SNX6: variants seen among roughly 807,000 people sequenced by gnomAD.
SNX6 encodes sorting nexin 6.
A neutral mutation model predicts 63.0 loss-of-function variants in SNX6; 34 were observed. The observed-to-expected ratio is 0.54, with a 90% confidence interval of 0.41 to 0.72. SNX6 has a LOEUF of 0.72. Ranked by LOEUF, SNX6 falls within the 30% of genes least tolerant of loss-of-function variation. The pLI, the probability that SNX6 is intolerant of heterozygous loss-of-function variation, is 0.00. For synonymous variants in SNX6, 170 were observed against 164.2 expected (o/e 1.04, Z -0.27); for missense variants, 398 against 471.4 (o/e 0.84, Z 1.44).
intron 8 of SNX6, among the ~76,000 whole-genome samples, chr14:34,587,798 ATTTTT>A (rs1168575667): frequency 2.8e-5 from 3 of 107,060 alleles, no homozygotes; most frequent in Admixed American, 1.1e-4. Context: ...CGGTTGGCTA[ATTTTT>A]TTTTTTTTTT....
At chr14:34,565,576 G>A (rs1881140910) in intron 13 of SNX6, among the ~76,000 whole-genome samples, 1 of 151,804 alleles carries the variant, frequency 6.6e-6, no homozygotes, top group Admixed American at 6.6e-5. Context: ...GAGTGCAGTG[G>A]CGCAATCTTG....
chr14:34,608,470 G>A (rs1168696782), intron 3 of SNX6, among the ~76,000 whole-genome samples: 1 of 152,024 alleles, frequency 6.6e-6, no homozygotes, highest in African/African-American at 2.4e-5. Context: ...GCCTTAAAAA[G>A]TTTTTAATAA....
chr14:34,622,549 C>T (rs1273736208), intron 2 of SNX6, among the ~76,000 whole-genome samples: 1 of 144,374 alleles, frequency 6.9e-6, no homozygotes, highest in Non-Finnish European at 1.5e-5. Context: ...TGCCACTGCA[C>T]TCCAGCCTGG....
intron 9 of SNX6, among the ~76,000 whole-genome samples, chr14:34,584,770 GAGAGT>G (rs1882085592): frequency 6.6e-6 from 1 of 151,860 alleles, no homozygotes; most frequent in East Asian, 1.9e-4. Flanking sequence ...TATAGAGAGA[GAGAGT>G]AAAGTCGATT....
chr14:34,598,393 G>A (rs1221681665), intron 6 of SNX6, among the ~76,000 whole-genome samples: 2 of 152,072 alleles, frequency 1.3e-5, no homozygotes, highest in African/African-American at 4.8e-5. Context: ...TTCACAGGAT[G>A]AAAAAAATTT....
At chr14:34,597,740 C>T (rs1882659056) in intron 6 of SNX6, 95 bp from the exon 7 acceptor site, 1 of 672,642 alleles carries the variant, frequency 1.5e-6, no homozygotes, top group Admixed American at 3.0e-5. Context: ...CAAAAGGATC[C>T]TAGTTTTTAA....
At chr14:34,610,930 C>T (rs1378503866) in intron 2 of SNX6, among the ~76,000 whole-genome samples, 1 of 152,038 alleles carries the variant, frequency 6.6e-6, no homozygotes, top group South Asian at 2.1e-4. Flanking sequence ...GAACAAAATG[C>T]TGAATGCAAA....
intron 2 of SNX6, among the ~76,000 whole-genome samples, chr14:34,611,715 A>G (rs1594743268): frequency 7.2e-6 from 1 of 139,478 alleles, no homozygotes; most frequent in Non-Finnish European, 1.5e-5. Flanking sequence ...GTGCCACTAC[A>G]CTCCAGCCTG....
At chr14:34,582,771 G>C (rs1881994827) in intron 9 of SNX6, among the ~76,000 whole-genome samples, 1 of 151,778 alleles carries the variant, frequency 6.6e-6, no homozygotes, top group African/African-American at 2.4e-5. Context: ...TCAAACTCCT[G>C]GCCTCAAGTG....
intron 10 of SNX6, among the ~76,000 whole-genome samples, chr14:34,579,969 GA>G (rs1778490483): frequency 6.6e-6 from 1 of 152,198 alleles, no homozygotes; most frequent in Non-Finnish European, 1.5e-5. Flanking sequence ...CAGATCACTT[GA>G]CATCAGGACT....
intron 10 of SNX6, among the ~76,000 whole-genome samples, chr14:34,576,865 T>G (rs973722686): frequency 2.7e-5 from 4 of 150,496 alleles, no homozygotes; most frequent in African/African-American, 9.7e-5. Context: ...GGGCGGATCA[T>G]GAGGTCGGGA....
At chr14:34,604,562 G>A (rs1882945092) in intron 5 of SNX6, among the ~76,000 whole-genome samples, 1 of 152,120 alleles carries the variant, frequency 6.6e-6, no homozygotes, top group African/African-American at 2.4e-5. Context: ...AAAAGTGACA[G>A]AGGTGATAAC....
chr14:34,581,659 G>T, intron 9 of SNX6, 59 bp from the exon 10 acceptor site: 1 of 1,078,454 alleles, frequency 9.3e-7, no homozygotes, highest in Non-Finnish European at 1.4e-6. Context: ...CATTTCAAAT[G>T]TATGAGAATA....
At chr14:34,589,315 C>A (rs935540763) in intron 8 of SNX6, among the ~76,000 whole-genome samples, 13 of 151,522 alleles carry the variant, frequency 8.6e-5, no homozygotes, top group African/African-American at 3.2e-4. Flanking sequence ...ATTAGCCAGG[C>A]TTGGTGGTAT....
chr14:34,609,480 CAAA>C (rs398024759), intron 3 of SNX6, among the ~76,000 whole-genome samples, 155 bp downstream of exon 3: 43 of 65,030 alleles, frequency 6.6e-4, no homozygotes, highest in African/African-American at 2.6e-3. Context: ...GACTCCGTCT[CAAA>C]AAAAAAAAAA....
intron 10 of SNX6, among the ~76,000 whole-genome samples, chr14:34,576,160 C>T (rs950707139): frequency 6.6e-5 from 10 of 151,804 alleles, no homozygotes; most frequent in East Asian, 1.9e-4. Flanking sequence ...CTCCTGACCT[C>T]GTGATCTGCC....
At chr14:34,564,483 A>G (rs1049285295) in intron 13 of SNX6, among the ~76,000 whole-genome samples, 2 of 152,160 alleles carry the variant, frequency 1.3e-5, no homozygotes, top group African/African-American at 4.8e-5. Flanking sequence ...TTAATAGAAC[A>G]GTTATCAGAA....
chr14:34,593,778 C>A (rs1228859407), intron 7 of SNX6, among the ~76,000 whole-genome samples: 1 of 150,938 alleles, frequency 6.6e-6, no homozygotes, highest in Non-Finnish European at 1.5e-5. Context: ...CAGGGTTTCA[C>A]CACATTGGTC....
At chr14:34,617,281 A>C (rs1441273896) in intron 2 of SNX6, among the ~76,000 whole-genome samples, 1 of 152,170 alleles carries the variant, frequency 6.6e-6, no homozygotes, top group African/African-American at 2.4e-5. Context: ...AAGTAACATA[A>C]ATGTACTATC....
Sources: gnomAD v4.1 joint callset for allele counts (sites outside exome capture counted in the v4.1 genomes callset) on GRCh38, gnomAD v4.1.1 for gene constraint, MANE v1.5 for transcripts, NCBI Gene and HGNC (gene_info 2026-07-23, HGNC 2026-07-21) for gene names.